NPY2R: variants seen among roughly 807,000 people sequenced by gnomAD.
NPY2R encodes the protein neuropeptide Y receptor type 2.
Under a neutral mutation model 22.3 loss-of-function variants are expected in NPY2R, and 17 were observed. The ratio of observed to expected loss-of-function variants is 0.76; its 90% CI spans 0.52 to 1.14. NPY2R has a LOEUF of 1.14. Among genes scored for constraint, NPY2R ranks in the 50% most tolerant of loss-of-function variants. The pLI, the probability that NPY2R is intolerant of heterozygous loss-of-function variation, is 0.00. For missense variants in NPY2R, 424 were observed against 467.9 expected, an observed-to-expected ratio of 0.91 and a Z score of 0.87; for synonymous variants, 209 against 183.4, an observed-to-expected ratio of 1.14 and a Z score of -1.13.
At chr4:155,178,415 G>A in the NPY2R span, among the ~76,000 whole-genome samples, 2 of 152,258 alleles carry the variant, frequency 1.3e-5, no homozygotes, top group South Asian at 4.2e-4. Flanking sequence ...TTACTGCTTA[G>A]CATGTGCACT....
the NPY2R span, among the ~76,000 whole-genome samples, chr4:155,203,290 T>C: frequency 6.6e-6 from 1 of 152,144 alleles, no homozygotes; most frequent in African/African-American, 2.4e-5. Flanking sequence ...CTTATTCATA[T>C]TGCATACAAA....
Position 155,215,187 on chromosome 4 carries a change from A to G in NPY2R, c.*102A>G. Reference sequence around the variant, plus strand: ...AAACTGATTTCCCATTTTAAAGAAGAAGTGGATCTAAATGGAAGCATCTGC... The same window carrying G: ...AAACTGATTTCCCATTTTAAAGAAGGAGTGGATCTAAATGGAAGCATCTGC... On this transcript the variant is annotated 3_prime_UTR_variant, in exon 2 of 2. Transcript: ENST00000329476. 9.0e-7 allele frequency: 1 copy of G among 1,115,084 alleles called. No homozygotes were observed. The highest frequency in any genetic ancestry group is 1.3e-6 in the Non-Finnish European group (1 of 743,966). The allele number at this position is 1,115,084 out of a possible 1,614,324, so 69.1% of individuals were successfully genotyped here.
the NPY2R span, among the ~76,000 whole-genome samples, chr4:155,174,481 TA>T: frequency 3.3e-3 from 303 of 90,948 alleles, 4 homozygotes; most frequent in Middle Eastern, 5.0e-3. Flanking sequence ...TATATATATA[TA>T]TATTTTTTTT....
At chr4:155,177,258 C>T in the NPY2R span, among the ~76,000 whole-genome samples, 2 of 152,142 alleles carry the variant, frequency 1.3e-5, no homozygotes, top group East Asian at 3.9e-4. Flanking sequence ...AGGCAAATTG[C>T]TCTTTAGCTG....
chr4:155,197,195 T>C, the NPY2R span, among the ~76,000 whole-genome samples: 3 of 151,996 alleles, frequency 2.0e-5, no homozygotes, highest in Admixed American at 2.0e-4. Context: ...CAACTTCATA[T>C]CTTGCAGTTA....
the NPY2R span, among the ~76,000 whole-genome samples, chr4:155,190,146 C>A: frequency 6.6e-6 from 1 of 151,920 alleles, no homozygotes; most frequent in Non-Finnish European, 1.5e-5. Flanking sequence ...ATTGCATGGG[C>A]AACATTTGAA....
chr4:155,187,112 G>A, the NPY2R span, among the ~76,000 whole-genome samples: 1 of 152,140 alleles, frequency 6.6e-6, no homozygotes, highest in African/African-American at 2.4e-5. Context: ...TTATACTGAT[G>A]CAACAGATAA....
the NPY2R span, among the ~76,000 whole-genome samples, chr4:155,184,308 C>A: frequency 2.0e-5 from 3 of 152,152 alleles, no homozygotes; most frequent in Non-Finnish European, 4.4e-5. Flanking sequence ...GTTGCTTTTA[C>A]CCTGAAAATC....
the NPY2R span, among the ~76,000 whole-genome samples, chr4:155,190,602 A>G: frequency 6.6e-6 from 1 of 151,978 alleles, no homozygotes; most frequent in Non-Finnish European, 1.5e-5. Flanking sequence ...AAATACTTGA[A>G]ATGTATAATT....
chr4:155,214,781 G>A lies in NPY2R; in HGVS notation c.842G>A (p.Trp281Ter). The change falls in exon 2 of 2, where the codon TGG (tryptophan) becomes TAG (stop). Residue 281 changes from tryptophan to a stop codon, truncating the protein, a stop_gained. Coordinates refer to ENST00000329476, the MANE Select transcript of NPY2R (RefSeq NM_000910.4). LOFTEE classifies it high-confidence loss of function. ...GTGGTGGTGGTGTTTGCGGTCAGCT[G>A]GCTGCCTCTCCATGCCTTCCAGCTT... ...VCVVVVFAVS[W>*]LPLHAFQLAV... is the part of the protein sequence containing the mutation. The A allele has an allele frequency of 2.5e-6, 4 of 1,613,862 alleles. No homozygotes were observed. The highest frequency in any genetic ancestry group is 2.5e-6 in the Non-Finnish European group (3 of 1,179,768).
the NPY2R span, among the ~76,000 whole-genome samples, chr4:155,191,626 G>C: frequency 6.6e-6 from 1 of 151,952 alleles, no homozygotes; most frequent in Admixed American, 6.6e-5. Flanking sequence ...TTCTCCTTCT[G>C]TAACTAAGTG....
upstream of NPY2R, chr4:155,207,383 C>T (rs1729303042): frequency 6.6e-6 from 1 of 152,124 alleles, no homozygotes; most frequent in Non-Finnish European, 1.5e-5. Context: ...ATTCCAAGCA[C>T]ACCAGTATGA....
chr4:155,180,076 AT>A, the NPY2R span, among the ~76,000 whole-genome samples: 1 of 141,036 alleles, frequency 7.1e-6, no homozygotes, highest in Admixed American at 7.1e-5. Context: ...TTCTTTTCCT[AT>A]TTTTTTCTTT....
chr4:155,184,875 T>G, the NPY2R span, among the ~76,000 whole-genome samples: 1 of 151,312 alleles, frequency 6.6e-6, no homozygotes, highest in Admixed American at 6.6e-5. Context: ...GTTTCTGAAT[T>G]CTGTCAGTGA....
chr4:155,185,409 AT>A, the NPY2R span, among the ~76,000 whole-genome samples: 1 of 152,168 alleles, frequency 6.6e-6, no homozygotes, highest in Non-Finnish European at 1.5e-5. Context: ...TAGTGAGGTC[AT>A]TAAAACACCT....
chr4:155,214,491 C>G lies in NPY2R; in HGVS notation c.552C>G (p.Ala184=). 6.2e-7 allele frequency: 1 copy of G among 1,614,106 alleles called. No individual in the cohort carries two copies. The highest frequency in any genetic ancestry group is 8.5e-7 in the Non-Finnish European group (1 of 1,179,996). ...GTGCCCTGCTGGCAAGTCCCCTGGC[C>G]ATCTTCCGGGAGTATTCGCTGATTG... ...GISALLASPL[A]IFREYSLIEI... is the part of the protein sequence containing the mutation. Residue 184 remains alanine, a synonymous_variant, in exon 2 of 2, where the codon GCC becomes GCG. Transcript: ENST00000329476.
At chr4:155,210,204 G>A (rs936720419) in intron 1 of NPY2R, among the ~76,000 whole-genome samples, 6 of 151,844 alleles carry the variant, frequency 4.0e-5, no homozygotes, top group Admixed American at 3.9e-4. Context: ...CAGAAGTGCT[G>A]TCATGAAATG....
At chr4:155,186,253 C>T in the NPY2R span, among the ~76,000 whole-genome samples, 2 of 152,104 alleles carry the variant, frequency 1.3e-5, no homozygotes, top group Non-Finnish European at 2.9e-5. Flanking sequence ...ATTTGTCAGA[C>T]TTGTGACTCA....
the NPY2R span, among the ~76,000 whole-genome samples, chr4:155,192,582 A>G: frequency 2.4e-4 from 37 of 152,082 alleles, no homozygotes; most frequent in African/African-American, 8.9e-4. Context: ...TAGTAAATAT[A>G]TTTAATATCT....
Sources: gnomAD v4.1 joint callset for allele counts (sites outside exome capture counted in the v4.1 genomes callset) on GRCh38, gnomAD v4.1.1 for gene constraint, MANE v1.5 for transcripts, NCBI Gene and HGNC (gene_info 2026-07-23, HGNC 2026-07-21) for gene names.